Variants in SCUBE1 observed in about 807,000 individuals in gnomAD.
SCUBE1 encodes signal peptide, CUB and EGF-like domain-containing protein 1.
SCUBE1 carries 59 observed loss-of-function variants against 124.4 expected under a neutral mutation model. The ratio of observed to expected loss-of-function variants is 0.47; its 90% CI spans 0.38 to 0.59. The LOEUF is 0.59. Ranked by LOEUF, SCUBE1 falls within the 20% of genes least tolerant of loss-of-function variation. The pLI is 0.00. For synonymous variants in SCUBE1, 545 were observed against 550.9 expected, an observed-to-expected ratio of 0.99 and a Z score of 0.15; for missense variants, 1,150 against 1,371.2, an observed-to-expected ratio of 0.84 and a Z score of 2.55.
At chr22:43,252,940 C>T (rs1045460674) in intron 6 of SCUBE1, among the ~76,000 whole-genome samples, 3 of 148,074 alleles carry the variant, frequency 2.0e-5, no homozygotes, top group Admixed American at 6.8e-5. Flanking sequence ...AGGATGGGAA[C>T]GGTCACCTCC....
intron 10 of SCUBE1, among the ~76,000 whole-genome samples, 176 bp downstream of exon 10, chr22:43,227,198 G>C (rs1922352309): frequency 6.6e-6 from 1 of 152,146 alleles, no homozygotes; most frequent in Non-Finnish European, 1.5e-5. Context: ...CTCCTTTTCT[G>C]CAAGTCCTCA....
At position 43,208,084 on chromosome 22, in the gene SCUBE1, C is replaced by T; in HGVS notation, c.2722G>A (p.Val908Ile). The change falls in exon 20 of 22, where the codon GTC becomes ATC. Residue 908 changes from valine to isoleucine, a missense_variant. By Grantham distance (29) the Val-to-Ile change is conservative. This residue lies in a region of SCUBE1 where 757 missense variants were observed against 840.9 expected (regional missense o/e 0.90). Transcript: ENST00000360835. ...NSGKGFQVPY[V>I]TYDEDYQQLI... ...CAGTGGATCTTACCATCGTAGGTGA[C>T]ATAGGGCACTTGGAAGCCTTTGCCG... The T allele has an allele frequency of 6.2e-7, 1 of 1,614,148 alleles. No individual in the cohort carries two copies. Among genetic ancestry groups the T allele is most frequent in the Non-Finnish European group, 8.5e-7 (1 of 1,180,028 alleles).
intron 4 of SCUBE1, among the ~76,000 whole-genome samples, chr22:43,263,219 A>G (rs912124216): frequency 6.6e-6 from 1 of 152,102 alleles, no homozygotes; most frequent in African/African-American, 2.4e-5. Context: ...CGAGCCACCC[A>G]TGGTTCTAGG....
In SCUBE1 at chr22:43,343,330, G is replaced by A. The variant is rs1464234811; in HGVS notation, c.-69C>T. ...GGGACCCGACCGACCGGCCGCTCCC[G>A]CAGGCGCTGCTCGCTGCTCGCCGCT... On this transcript the variant is annotated 5_prime_UTR_variant, in exon 1 of 22. Transcript: ENST00000360835. 26 of 758,142 alleles carry A rather than the reference G, an allele frequency of 3.4e-5. No homozygotes were observed. The East Asian group carries it at 2.2e-3, about 65-fold the overall frequency. 47.0% of individuals were successfully genotyped at this position (758,142 alleles called of 1,614,324 possible).
At chr22:43,204,217 G>T (rs550057351) in intron 21 of SCUBE1, 68 bp from the exon 22 acceptor site, 76 of 1,458,474 alleles carry the variant, frequency 5.2e-5, no homozygotes, top group Non-Finnish European at 6.8e-5. Flanking sequence ...GTGTTGCCAG[G>T]CTGGGGGAGG....
At chr22:43,313,932 GT>G (rs1926255149) in intron 3 of SCUBE1, among the ~76,000 whole-genome samples, 1 of 152,194 alleles carries the variant, frequency 6.6e-6, no homozygotes, top group Non-Finnish European at 1.5e-5. Context: ...GGTGATCAGG[GT>G]TTTATCCCAG....
At chr22:43,204,197 G>A (rs1921124767) in intron 21 of SCUBE1, 48 bp from the exon 22 acceptor site, 1 of 1,580,792 alleles carries the variant, frequency 6.3e-7, no homozygotes, top group African/African-American at 1.3e-5. Context: ...GGGCCTGTAG[G>A]GTCTGTGGGG....
chr22:43,252,022 A>C (rs1923470228), intron 6 of SCUBE1, among the ~76,000 whole-genome samples: 1 of 152,230 alleles, frequency 6.6e-6, no homozygotes, highest in East Asian at 1.9e-4. Context: ...ATTGAAATTT[A>C]TCACTTTAAC....
chr22:43,335,681 C>A lies in SCUBE1; in HGVS notation c.220+3423G>T, dbSNP rs147237567. On this transcript the variant is annotated intron_variant, in intron 2 of 21. Transcript: ENST00000360835. ...GCAGAACTGAGCAATTTTCAAAGGTCTTCACCATTCATAGTCTCATTTGAG... is the reference window on the plus strand; with the variant it reads ...GCAGAACTGAGCAATTTTCAAAGGTATTCACCATTCATAGTCTCATTTGAG... Among the ~76,000 whole-genome samples the A allele has an allele frequency of 2.1e-3, 319 of 152,196 alleles. 3 individuals are homozygous for A. The highest frequency in any genetic ancestry group is 2.6e-3 in the Non-Finnish European group (180 of 68,018).
intron 10 of SCUBE1, among the ~76,000 whole-genome samples, chr22:43,225,668 C>A (rs1922273467): frequency 6.6e-6 from 1 of 151,568 alleles, no homozygotes; most frequent in South Asian, 2.1e-4. Flanking sequence ...TCTCAAAGTG[C>A]TGGGATTACA....
intron 5 of SCUBE1, among the ~76,000 whole-genome samples, chr22:43,261,286 C>T (rs1923862136): frequency 6.6e-6 from 1 of 152,236 alleles, no homozygotes; most frequent in Admixed American, 6.5e-5. Flanking sequence ...GAGGCTGGCA[C>T]TTCCAATCGA....
In SCUBE1 at chr22:43,208,219, G is replaced by A; in HGVS notation, c.2587C>T (p.Pro863Ser). 1 of 1,613,994 alleles carries A rather than the reference G, an allele frequency of 6.2e-7. No individual in the cohort carries two copies. The change falls in exon 20 of 22, where the codon CCC (proline) becomes TCC (serine). Residue 863 changes from proline (P) to serine (S), a missense_variant. By Grantham distance (74) the Pro-to-Ser change is moderately conservative (BLOSUM62 -1). Coordinates refer to ENST00000360835, the MANE Select transcript of SCUBE1 (RefSeq NM_173050.5). Reference protein sequence around the residue: ...DVLVMRKSASPTSITTYETCQ... With the variant: ...DVLVMRKSASSTSITTYETCQ... ...GTCTCATAGGTGGTGATGGACGTGG[G>A]AGAGGCTGCGGGTGAAGCATCATTG... is the stretch of plus-strand genomic sequence containing the variant.
In SCUBE1 at chr22:43,222,690, C is replaced by G. The variant is rs765279194; in HGVS notation, c.1380G>C (p.Lys460Asn). ...TGGTGCCGTTGCGTTTCTGCAGCGC[C>G]TTGCCCTGCGGCCCTGGAACTCCGC... The part of the protein sequence containing the change: ...LSCGVPGPQG[K>N]ALQKRNGTSS... The change falls in exon 12 of 22, where the codon AAG becomes AAC. Residue 460 changes from lysine to asparagine, a missense_variant. By Grantham distance (94) the Lys-to-Asn change is moderately conservative (BLOSUM62 0). This residue lies in a region of SCUBE1 where 757 missense variants were observed against 840.9 expected (regional missense o/e 0.90). Coordinates refer to ENST00000360835, the MANE Select transcript of SCUBE1 (RefSeq NM_173050.5). 6.2e-7 allele frequency: 1 copy of G among 1,606,700 alleles called. No homozygotes were observed. The highest frequency in any genetic ancestry group is 2.2e-5 in the East Asian group (1 of 44,676).
intron 4 of SCUBE1, chr22:43,282,246 G>A (rs1217007479): frequency 6.6e-6 from 1 of 152,450 alleles, no homozygotes; most frequent in African/African-American, 2.4e-5. Flanking sequence ...GAAACAAACA[G>A]ACACCAGGAT....
rs1442525796 is a variant in SCUBE1 at position 43,258,737 on chromosome 22, G to T, written c.611-402C>A. ...GGACATACTTGTCAAGCTGTCGGGG[G>T]AGGGACATGGCGGCCCGTGGTTCCA... On this transcript the variant is annotated intron_variant, in intron 5 of 21. Transcript: ENST00000360835. This position sits in a 1 kb window ranked among gnomAD's most constrained non-coding sequence, Gnocchi z 5.0. 1.3e-5 allele frequency among the ~76,000 whole-genome samples: 2 copies of T among 152,186 alleles called. No homozygotes were observed. The highest frequency in any genetic ancestry group is 2.9e-5 in the Non-Finnish European group (2 of 68,030).
intron 7 of SCUBE1, among the ~76,000 whole-genome samples, chr22:43,233,898 C>T (rs533479486): frequency 2.0e-5 from 3 of 151,520 alleles, no homozygotes; most frequent in Non-Finnish European, 2.9e-5. Flanking sequence ...CTGGGAGCCT[C>T]GGGGAGGGAC....
intron 7 of SCUBE1, chr22:43,238,615 GTGGGACCTGTGTTC>G: frequency 1.6e-6 from 1 of 630,684 alleles, no homozygotes; most frequent in South Asian, 1.9e-5. Context: ...CTGATGTGCC[GTGGGACCTGTGTTC>G]TCTCGAACTC....
chr22:43,242,627 C>A (rs188496793), intron 6 of SCUBE1, among the ~76,000 whole-genome samples: 103 of 152,314 alleles, frequency 6.8e-4, no homozygotes, highest in Middle Eastern at 3.4e-3. Context: ...TTGTGGAGGG[C>A]GGCTCAGGCG....
intron 2 of SCUBE1, among the ~76,000 whole-genome samples, chr22:43,322,389 G>A (rs1192763368): frequency 2.0e-5 from 3 of 151,980 alleles, no homozygotes; most frequent in African/African-American, 7.3e-5. Context: ...TCTTCCCCTG[G>A]GTATTCCAAA....
Sources: gnomAD v4.1 joint callset for allele counts (sites outside exome capture counted in the v4.1 genomes callset) on GRCh38, gnomAD v4.1.1 for gene constraint, gnomAD v4.1.1 regional missense constraint, Gnocchi (gnomAD v3.1) non-coding constraint, MANE v1.5 for transcripts, NCBI Gene and HGNC (gene_info 2026-07-23, HGNC 2026-07-21) for gene names.